UMAD1: variants seen among roughly 807,000 people sequenced by gnomAD.
UMAD1 encodes UBAP1-MVB12-associated (UMA)-domain containing protein 1.
Under a neutral mutation model 6.1 loss-of-function variants are expected in UMAD1, and 8 were observed. The ratio of observed to expected loss-of-function variants is 1.30; its 90% CI spans 0.76 to 2.35. The LOEUF is 2.35. Among genes scored for constraint, UMAD1 ranks in the 30% most tolerant of loss-of-function variants. The probability of loss-of-function intolerance (pLI) is 0.00; values close to 1 mark genes in which losing one functional copy is unlikely to be tolerated. For synonymous variants in UMAD1, 56 were observed against 31.4 expected, an observed-to-expected ratio of 1.78 and a Z score of -2.61; for missense variants, 130 against 78.4, an observed-to-expected ratio of 1.66 and a Z score of -2.49.
chr7:7,669,048 A>G (rs1239832623), intron 1 of UMAD1, among the ~76,000 whole-genome samples: 1 of 151,836 alleles, frequency 6.6e-6, no homozygotes. Flanking sequence ...GGCCAACTCT[A>G]CACATATATA....
chr7:7,804,573 T>C (rs922738485), intron 3 of UMAD1, among the ~76,000 whole-genome samples: 2 of 152,242 alleles, frequency 1.3e-5, no homozygotes, highest in Non-Finnish European at 2.9e-5. Flanking sequence ...CTCAGGAGGC[T>C]GAGGCAGGAG....
chr7:7,847,827 A>G (rs549049020), intron 3 of UMAD1, among the ~76,000 whole-genome samples: 1 of 152,278 alleles, frequency 6.6e-6, no homozygotes, highest in South Asian at 2.1e-4. Context: ...CTGGGATTAC[A>G]GGCATGAGGC....
chr7:7,643,646 A>G (rs1583685836), intron 1 of UMAD1, among the ~76,000 whole-genome samples: 1 of 150,978 alleles, frequency 6.6e-6, no homozygotes, highest in Admixed American at 6.6e-5. Context: ...CGAGAGGCGG[A>G]GCTTGCAGTG....
intron 3 of UMAD1, among the ~76,000 whole-genome samples, chr7:7,823,806 A>G (rs898772354): frequency 2.0e-5 from 3 of 152,144 alleles, no homozygotes; most frequent in African/African-American, 7.2e-5. Flanking sequence ...TTTAGGTGAA[A>G]AATGCTTCCT....
chr7:7,841,159 T>A (rs1783672462), intron 3 of UMAD1, among the ~76,000 whole-genome samples: 1 of 152,206 alleles, frequency 6.6e-6, no homozygotes, highest in Non-Finnish European at 1.5e-5. Flanking sequence ...TATACACTCT[T>A]ACTCCCTTCT....
intron 2 of UMAD1, among the ~76,000 whole-genome samples, chr7:7,754,204 A>T (rs1252079314): frequency 6.6e-6 from 1 of 152,066 alleles, no homozygotes; most frequent in Non-Finnish European, 1.5e-5. Context: ...AAGAAAAAAA[A>T]CAAAGCAAAA....
intron 3 of UMAD1, among the ~76,000 whole-genome samples, chr7:7,839,413 CT>C (rs1783634167): frequency 6.6e-6 from 1 of 152,158 alleles, no homozygotes; most frequent in African/African-American, 2.4e-5. Context: ...TAGGGTCCCC[CT>C]ATGTTGCCCA....
chr7:7,802,101 C>T (rs540897145), intron 3 of UMAD1, among the ~76,000 whole-genome samples: 4 of 152,362 alleles, frequency 2.6e-5, no homozygotes, highest in African/African-American at 7.2e-5. Flanking sequence ...TCCATTCAGC[C>T]GGGCACAGTG....
intron 3 of UMAD1, among the ~76,000 whole-genome samples, chr7:7,859,405 A>G (rs900190716): frequency 2.6e-5 from 4 of 152,224 alleles, no homozygotes; most frequent in African/African-American, 7.2e-5. Flanking sequence ...AGTCCTTCAC[A>G]TAACCTTTGG....
At chr7:7,764,907 G>A (rs902357795) in intron 2 of UMAD1, among the ~76,000 whole-genome samples, 4 of 151,896 alleles carry the variant, frequency 2.6e-5, no homozygotes, top group Admixed American at 2.6e-4. Flanking sequence ...TTCCCTGTAT[G>A]TACCTGCTGT....
chr7:7,655,508 GCT>G (rs1173363467), intron 1 of UMAD1, among the ~76,000 whole-genome samples: 2 of 152,170 alleles, frequency 1.3e-5, no homozygotes, highest in African/African-American at 4.8e-5. Context: ...CTGGCTTGAT[GCT>G]CTATAATTGA....
intron 3 of UMAD1, among the ~76,000 whole-genome samples, chr7:7,806,658 C>G (rs1329508708): frequency 1.3e-5 from 2 of 152,058 alleles, no homozygotes. Context: ...TTGGAGTTAT[C>G]CATTTAAAAA....
chr7:7,825,154 G>T (rs527558799), intron 3 of UMAD1, among the ~76,000 whole-genome samples: 7 of 152,028 alleles, frequency 4.6e-5, no homozygotes, highest in Non-Finnish European at 8.8e-5. Flanking sequence ...GTGGGCGCAG[G>T]GGGGAGTGTA....
At chr7:7,823,105 A>G (rs1408591301) in intron 3 of UMAD1, among the ~76,000 whole-genome samples, 1 of 152,086 alleles carries the variant, frequency 6.6e-6, no homozygotes, top group Admixed American at 6.6e-5. Flanking sequence ...ATGAGATCCC[A>G]ATGTTGTTGG....
chr7:7,759,962 C>T (rs940217406), intron 2 of UMAD1, among the ~76,000 whole-genome samples: 18 of 152,094 alleles, frequency 1.2e-4, no homozygotes, highest in African/African-American at 3.6e-4. Context: ...GTCGACGCCC[C>T]CTCCTCTTGA....
intron 2 of UMAD1, among the ~76,000 whole-genome samples, chr7:7,778,019 T>C (rs1222793464): frequency 6.6e-6 from 1 of 152,196 alleles, no homozygotes; most frequent in East Asian, 1.9e-4. Context: ...AAGTGGGGCA[T>C]TGCAGAAAAA....
chr7:7,826,482 G>T (rs957032038), intron 3 of UMAD1, among the ~76,000 whole-genome samples: 1 of 152,062 alleles, frequency 6.6e-6, no homozygotes, highest in African/African-American at 2.4e-5. Context: ...TGTTAAACTG[G>T]TCCTGTGCGT....
chr7:7,851,714 G>A (rs552173915), intron 3 of UMAD1, among the ~76,000 whole-genome samples: 32 of 152,058 alleles, frequency 2.1e-4, no homozygotes, highest in Admixed American at 1.1e-3. Flanking sequence ...CATATCCTTC[G>A]CTTATTCTTT....
intron 3 of UMAD1, among the ~76,000 whole-genome samples, chr7:7,816,110 C>T (rs545653327): frequency 1.3e-5 from 2 of 152,254 alleles, no homozygotes; most frequent in South Asian, 4.1e-4. Flanking sequence ...TTAATTTTTA[C>T]AGACGAGGTA....
Sources: allele counts gnomAD v4.1 joint callset (sites outside exome capture counted in the v4.1 genomes callset), GRCh38; gene constraint gnomAD v4.1.1; transcripts MANE v1.5; gene names NCBI Gene and HGNC (gene_info 2026-07-23, HGNC 2026-07-21).